SPIRE2: variants seen among roughly 807,000 people sequenced by gnomAD.
SPIRE2 encodes protein spire homolog 2.
Under a neutral mutation model 80.7 loss-of-function variants are expected in SPIRE2, and 76 were observed. The ratio of observed to expected loss-of-function variants is 0.94; its 90% confidence interval spans 0.78 to 1.14. SPIRE2 has a LOEUF of 1.14. Among genes scored for constraint, SPIRE2 ranks in the 50% most tolerant of loss-of-function variants. The pLI is 0.00. For synonymous variants in SPIRE2, 535 were observed against 432.6 expected (o/e 1.24, Z -2.94); for missense variants, 1,196 against 1,015.3 (o/e 1.18, Z -2.42).
At chr16:89,842,751 A>G (rs1023785283) in intron 1 of SPIRE2, among the ~76,000 whole-genome samples, 2 of 152,114 alleles carry the variant, frequency 1.3e-5, no homozygotes, top group African/African-American at 4.8e-5. Context: ...CCACCTTCCC[A>G]TGGCCTCGGC....
intron 2 of SPIRE2, chr16:89,845,725 G>A: frequency 4.7e-6 from 3 of 635,332 alleles, no homozygotes; most frequent in Non-Finnish European, 8.5e-6. Flanking sequence ...GGAAAAATCA[G>A]CCTGGTGACC....
Position 89,863,386 on chromosome 16 carries a change from A to C in SPIRE2, c.1576-90A>C. ...GAAGGTCGCAGGCTTGTTTAGGCTGAGGCCAGGGAGGGTTAGGGTCCTCAG... is the reference window on the plus strand; with the variant it reads ...GAAGGTCGCAGGCTTGTTTAGGCTGCGGCCAGGGAGGGTTAGGGTCCTCAG... On this transcript the variant is annotated intron_variant, in intron 10 of 14. Transcript: ENST00000378247. The surrounding 1 kb of genome is among the most constrained non-coding windows in gnomAD (Gnocchi z 4.3). 2.7e-6 allele frequency: 4 copies of C among 1,467,446 alleles called. No individual in the cohort carries two copies. The highest frequency in any genetic ancestry group is 2.8e-6 in the Non-Finnish European group (3 of 1,072,382). 90.9% of individuals were successfully genotyped at this position (1,467,446 alleles called of 1,614,324 possible). A position where few individuals can be genotyped will look rare whatever the true frequency, so the allele number is the denominator to read the frequency against.
Position 89,856,261 on chromosome 16 carries a change from G to A in SPIRE2, c.1102+25G>A, listed in dbSNP as rs778934706. 6.5e-6 allele frequency: 10 copies of A among 1,549,916 alleles called. No individual in the cohort carries two copies. The African/African-American group carries it at 6.8e-5, about 11-fold the overall frequency. On this transcript the variant is annotated intron_variant, in intron 7 of 14. Coordinates refer to ENST00000378247, the MANE Select transcript of SPIRE2 (RefSeq NM_032451.2). ...GGTGAGTGAGGGGATGGCAGGAGAA[G>A]AGAGCCCTGAGCCCCCGGCTGGGGT...
intron 7 of SPIRE2, among the ~76,000 whole-genome samples, chr16:89,856,529 C>G (rs1306225920): frequency 3.3e-5 from 5 of 151,894 alleles, no homozygotes; most frequent in Non-Finnish European, 7.4e-5. Flanking sequence ...ACTGCAACCT[C>G]CGCCCCCCGG....
In SPIRE2 at chr16:89,840,919, G is replaced by C. The variant is rs898185004; in HGVS notation, c.245-4403G>C. 5.3e-5 allele frequency among the ~76,000 whole-genome samples: 8 copies of C among 152,032 alleles called. No individual in the cohort carries two copies. In the East Asian group the frequency reaches 1.5e-3, roughly 29 times the overall value. Reference sequence around the variant, plus strand: ...CCCAAAGTGCTGGGATTACAGGCGTGAGCCACCGCGCCCAGCTGAAACCTG... The same window carrying C: ...CCCAAAGTGCTGGGATTACAGGCGTCAGCCACCGCGCCCAGCTGAAACCTG... On this transcript the variant is annotated intron_variant, in intron 1 of 14. Transcript: ENST00000378247.
chr16:89,853,329 G>A (rs1419636220), intron 3 of SPIRE2, among the ~76,000 whole-genome samples: 1 of 152,084 alleles, frequency 6.6e-6, no homozygotes, highest in African/African-American at 2.4e-5. Context: ...AGGAGGAAAC[G>A]GCTCTGTATG....
chr16:89,854,438 G>T (rs755926628), intron 4 of SPIRE2, 49 bp from the exon 5 acceptor site: 5 of 1,610,256 alleles, frequency 3.1e-6, no homozygotes, highest in Admixed American at 3.3e-5. Context: ...CTGGGGGGCC[G>T]TGGAGCTTCA....
chr16:89,851,115 C>G (rs2041622961), intron 3 of SPIRE2, among the ~76,000 whole-genome samples: 1 of 152,210 alleles, frequency 6.6e-6, no homozygotes, highest in South Asian at 2.1e-4. Context: ...GCCACCACGC[C>G]TGGCCTCACA....
In SPIRE2 at chr16:89,855,589, C is replaced by G; in HGVS notation, c.892-11C>G. On this transcript the variant is annotated splice_polypyrimidine_tract_variant and intron_variant, in intron 5 of 14. Transcript: ENST00000378247. ...CCCTGCAGGGCCTCAGATCAGCCGT[C>G]CTCCCCGCAGGTGGATGGGGACATC... 3 of 1,611,432 alleles carry G rather than the reference C, an allele frequency of 1.9e-6. No homozygotes were observed. The highest frequency in any genetic ancestry group is 2.5e-6 in the Non-Finnish European group (3 of 1,179,142).
chr16:89,869,696 C>T lies in SPIRE2; in HGVS notation c.1922+14C>T. On this transcript the variant is annotated intron_variant, in intron 14 of 14. Transcript: ENST00000378247. ...AGACATCTTTCAGTGCGTTCTTCGC[C>T]TTGCTGCTGATGTCACTGTGGTGGT... The T allele has an allele frequency of 6.3e-7, 1 of 1,592,036 alleles. No homozygotes were observed. The highest frequency in any genetic ancestry group is 8.6e-7 in the Non-Finnish European group (1 of 1,160,114).
At chr16:89,853,122 T>A (rs1314958041) in intron 3 of SPIRE2, among the ~76,000 whole-genome samples, 1 of 152,214 alleles carries the variant, frequency 6.6e-6, no homozygotes, top group East Asian at 1.9e-4. Flanking sequence ...CTGTTGTGTC[T>A]CTGATCAGGC....
At position 89,863,050 on chromosome 16, in the gene SPIRE2, A is replaced by G; in HGVS notation, c.1576-426A>G. 1 of 195,792 alleles carries G rather than the reference A, an allele frequency of 5.1e-6. No homozygotes were observed. Among genetic ancestry groups the G allele is most frequent in the Non-Finnish European group, 1.1e-5 (1 of 93,472 alleles). 12.1% of individuals were successfully genotyped at this position (195,792 alleles called of 1,614,324 possible). A position where few individuals can be genotyped will look rare whatever the true frequency, so the allele number is the denominator to read the frequency against. ...GACACGGGAGGTGTGCTGAGCGCAG[A>G]TGGGCAGATGCAAGCTGAGGTGGCC... On this transcript the variant is annotated intron_variant, in intron 10 of 14. Coordinates refer to ENST00000378247, the MANE Select transcript of SPIRE2 (RefSeq NM_032451.2). This position sits in a 1 kb window ranked among gnomAD's most constrained non-coding sequence, Gnocchi z 4.3.
intron 1 of SPIRE2, among the ~76,000 whole-genome samples, chr16:89,837,131 G>T (rs1007936018): frequency 6.6e-6 from 1 of 152,182 alleles, no homozygotes; most frequent in Non-Finnish European, 1.5e-5. Context: ...CCTCGAGCAG[G>T]ACTCGAGGCT....
At chr16:89,857,255 G>C (rs922264327) in intron 7 of SPIRE2, among the ~76,000 whole-genome samples, 5 of 150,342 alleles carry the variant, frequency 3.3e-5, no homozygotes, top group African/African-American at 1.2e-4. Flanking sequence ...TCCCACCTCA[G>C]CCTCTCGAGT....
Position 89,828,478 on chromosome 16 carries a change from CTGA to C in SPIRE2, c.-72_-70del. ...GCTCGCGCGGGGCGGGGCGGCCAGG[CTGA>C]CCCTGCGCGGCGGAAGGCGCGGCTG... On this transcript the variant is annotated 5_prime_UTR_variant, in exon 1 of 15. Transcript: ENST00000378247. The surrounding 1 kb of genome is among the most constrained non-coding windows in gnomAD (Gnocchi z 5.9). The C allele has an allele frequency of 1.0e-6, 1 of 980,210 alleles. No homozygotes were observed. Among genetic ancestry groups the C allele is most frequent in the East Asian group, 1.1e-4 (1 of 8,844 alleles). 60.7% of individuals were successfully genotyped at this position (980,210 alleles called of 1,614,324 possible). A position where few individuals can be genotyped will look rare whatever the true frequency, so the allele number is the denominator to read the frequency against.
chr16:89,830,825 C>T (rs935409128), intron 1 of SPIRE2, among the ~76,000 whole-genome samples: 4 of 150,680 alleles, frequency 2.7e-5, no homozygotes, highest in African/African-American at 9.7e-5. Context: ...TAATACTTCT[C>T]ATTTCCAAGC....
chr16:89,828,735 C>T lies in SPIRE2; in HGVS notation c.185C>T (p.Thr62Ile). 4.1e-6 allele frequency: 5 copies of T among 1,234,104 alleles called. No homozygotes were observed. The highest frequency in any genetic ancestry group is 4.1e-6 in the Non-Finnish European group (4 of 985,828). The allele number at this position is 1,234,104 out of a possible 1,614,324, so 76.4% of individuals were successfully genotyped here. ...RGSPGRRLRD[T>I]GDLLLRGDGS... Reference sequence around the variant, plus strand: ...TCGCCGGGCCGGCGCCTGCGGGATACCGGGGACCTCCTGCTGCGCGGGGAC... The same window carrying T: ...TCGCCGGGCCGGCGCCTGCGGGATATCGGGGACCTCCTGCTGCGCGGGGAC... The change falls in exon 1 of 15, where the codon ACC becomes ATC. Residue 62 changes from threonine (T) to isoleucine (I), a missense_variant. Physicochemically the swap from Thr to Ile is moderately conservative, Grantham distance 89 (BLOSUM62 -1). Transcript: ENST00000378247. The surrounding 1 kb of genome is among the most constrained non-coding windows in gnomAD (Gnocchi z 5.9).
At chr16:89,842,104 G>A (rs1253109745) in intron 1 of SPIRE2, among the ~76,000 whole-genome samples, 2 of 151,912 alleles carry the variant, frequency 1.3e-5, no homozygotes, top group East Asian at 3.9e-4. Context: ...GACTGCAAAG[G>A]CCTCTGTCGG....
chr16:89,864,382 T>A (rs2143827100), intron 12 of SPIRE2, among the ~76,000 whole-genome samples: 1 of 152,300 alleles, frequency 6.6e-6, no homozygotes, highest in South Asian at 2.1e-4. Context: ...GACTGAAGGC[T>A]GCAGAACATT....
Sources: allele counts gnomAD v4.1 joint callset (sites outside exome capture counted in the v4.1 genomes callset), GRCh38; gene constraint gnomAD v4.1.1; non-coding constraint Gnocchi (gnomAD v3.1); transcripts MANE v1.5; gene names NCBI Gene and HGNC (gene_info 2026-07-23, HGNC 2026-07-21).